HDAC4: variants seen among roughly 807,000 people sequenced by gnomAD.
HDAC4 encodes the protein histone deacetylase 4, also known as histone deacetylase A.
HDAC4 carries 16 observed loss-of-function variants against 135.1 expected under a neutral mutation model. The observed-to-expected ratio is 0.12, with a 90% CI of 0.08 to 0.18. The LOEUF is 0.18. Ranked by LOEUF, HDAC4 falls within the 10% of genes least tolerant of loss-of-function variation. The pLI is 1.00. For synonymous variants in HDAC4, 685 were observed against 653.4 expected, an observed-to-expected ratio of 1.05 and a Z score of -0.74; for missense variants, 1,143 against 1,511.8, an observed-to-expected ratio of 0.76 and a Z score of 4.05.
rs138685594 is a variant in HDAC4 at position 239,139,690 on chromosome 2, C to T, written c.972G>A (p.Pro324=). 83 of 1,613,770 alleles carry T rather than the reference C, an allele frequency of 5.1e-5. No individual in the cohort carries two copies. The highest frequency in any genetic ancestry group is 3.3e-4 in the Middle Eastern group (2 of 6,084). The change falls in exon 9 of 27, where the codon CCG becomes CCA. Residue 324 remains proline (P), a synonymous_variant. Transcript: ENST00000543185. The surrounding 1 kb of genome is among the most constrained non-coding windows in gnomAD (Gnocchi z 5.3). ...ACAAACGCTTCGCACTGACCTCCGC[C>T]GGGATGCTGGGGACGGCGGGCGCGA... ...NGIAPAVPSI[P]AETSLAHRLV...
intron 18 of HDAC4, among the ~76,000 whole-genome samples, chr2:239,089,199 G>GT (rs2152717498): frequency 6.6e-6 from 1 of 152,324 alleles, no homozygotes; most frequent in South Asian, 2.1e-4. Context: ...TTCCAATTAC[G>GT]TATCTGTGTG....
chr2:239,187,201 C>G (rs2044612373), intron 4 of HDAC4: 1 of 152,650 alleles, frequency 6.6e-6, no homozygotes, highest in South Asian at 2.1e-4. Flanking sequence ...GAGTGGTCCT[C>G]ATGTCCCCGA....
Position 239,067,664 on chromosome 2 carries a change from C to T in HDAC4, c.2870-809G>A, listed in dbSNP as rs758145006. On this transcript the variant is annotated intron_variant, in intron 23 of 26. Transcript: ENST00000543185. ...TCACTTTGCTGGCCACTAGGCTGCA[C>T]GGCCTGGTGGACTGTGGGAGGCCCC... Among the ~76,000 whole-genome samples the T allele has an allele frequency of 5.3e-5, 8 of 152,294 alleles. No individual in the cohort carries two copies. The East Asian group carries it at 5.8e-4, about 11-fold the overall frequency.
At chr2:239,373,165 C>G (rs893380065) in intron 1 of HDAC4, among the ~76,000 whole-genome samples, 1 of 152,158 alleles carries the variant, frequency 6.6e-6, no homozygotes, top group African/African-American at 2.4e-5. Context: ...GACATGTGAG[C>G]AGAACGACCT....
At chr2:239,260,947 G>A (rs1046369480) in intron 2 of HDAC4, among the ~76,000 whole-genome samples, 20 of 152,172 alleles carry the variant, frequency 1.3e-4, no homozygotes, top group African/African-American at 4.3e-4. Context: ...AAGATGACAA[G>A]GCCAGGGCAC....
chr2:239,130,573 CTG>C (rs1338308805), intron 11 of HDAC4, among the ~76,000 whole-genome samples: 1 of 139,118 alleles, frequency 7.2e-6, no homozygotes, highest in Non-Finnish European at 1.7e-5. Flanking sequence ...GTGGCATGCT[CTG>C]TTTCAGGATG....
intron 11 of HDAC4, among the ~76,000 whole-genome samples, chr2:239,127,433 C>T (rs1424004637): frequency 1.3e-5 from 2 of 152,052 alleles, no homozygotes; most frequent in Non-Finnish European, 2.9e-5. Context: ...TACATTTTTT[C>T]CTTCTGCATG....
At chr2:239,360,846 C>T (rs1693819224) in intron 1 of HDAC4, among the ~76,000 whole-genome samples, 1 of 152,194 alleles carries the variant, frequency 6.6e-6, no homozygotes, top group South Asian at 2.1e-4. Context: ...CATAGAAGTA[C>T]TGGGTTGGAG....
rs920588593 is a variant in HDAC4 at position 239,352,310 on chromosome 2, C to T, written c.22+368G>A. On this transcript the variant is annotated intron_variant, in intron 2 of 26. Transcript: ENST00000543185. The surrounding 1 kb of genome is among the most constrained non-coding windows in gnomAD (Gnocchi z 4.4). ...ACGCCCAGTTGGAGGAGCACTCCCA[C>T]CCCTCACACAACCCCTCATGAAACA... is the stretch of plus-strand genomic sequence containing the variant. Among the ~76,000 whole-genome samples the T allele has an allele frequency of 2.0e-5, 3 of 152,070 alleles. No individual in the cohort carries two copies. The highest frequency in any genetic ancestry group is 2.9e-5 in the Non-Finnish European group (2 of 68,014).
At chr2:239,131,546 AC>A (rs948689721) in intron 11 of HDAC4, among the ~76,000 whole-genome samples, 17 of 152,198 alleles carry the variant, frequency 1.1e-4, no homozygotes, top group African/African-American at 4.1e-4. Context: ...GGGCAGACGA[AC>A]CACACCTGAT....
chr2:239,202,605 T>TG, intron 3 of HDAC4, among the ~76,000 whole-genome samples: 1 of 152,018 alleles, frequency 6.6e-6, no homozygotes, highest in East Asian at 1.9e-4. Flanking sequence ...AGGGCTGGCA[T>TG]GGGTGTGGCT....
intron 16 of HDAC4, among the ~76,000 whole-genome samples, chr2:239,095,628 G>A (rs3828196): frequency 0.2 from 30,965 of 152,024 alleles, 3,284 homozygotes; most frequent in South Asian, 0.24. Flanking sequence ...CTCCAAGGAC[G>A]CTGCAGCTGC....
intron 2 of HDAC4, among the ~76,000 whole-genome samples, chr2:239,271,149 G>A (rs1263182568): frequency 2.6e-5 from 4 of 152,074 alleles, no homozygotes; most frequent in African/African-American, 9.7e-5. Context: ...GTCTTGCTCC[G>A]GTTGCCCAGG....
Position 239,303,219 on chromosome 2 carries a change from G to A in HDAC4, c.22+49459C>T, listed in dbSNP as rs1043973238. On this transcript the variant is annotated intron_variant, in intron 2 of 26. Coordinates refer to ENST00000543185, the MANE Select transcript of HDAC4 (RefSeq NM_001378414.1). This position sits in a 1 kb window ranked among gnomAD's most constrained non-coding sequence, Gnocchi z 5.1. Reference sequence around the variant, plus strand: ...ACCCGGCTGCTCAGGCCTGGGGACAGGAGGGCACAGGGACAGGCCTGGAGG... The same window carrying A: ...ACCCGGCTGCTCAGGCCTGGGGACAAGAGGGCACAGGGACAGGCCTGGAGG... Among the ~76,000 whole-genome samples, 1 of 152,252 alleles carries A rather than the reference G, an allele frequency of 6.6e-6. No homozygotes were observed. Among genetic ancestry groups the A allele is most frequent in the Admixed American group, 6.5e-5 (1 of 15,292 alleles).
In HDAC4 at chr2:239,277,533, C is replaced by T. The variant is rs558648218; in HGVS notation, c.23-40869G>A. Among the ~76,000 whole-genome samples, 7 of 152,206 alleles carry T rather than the reference C, an allele frequency of 4.6e-5. 1 individual carries two copies. Among genetic ancestry groups the T allele is most frequent in the Admixed American group, 1.3e-4 (2 of 15,282 alleles). On this transcript the variant is annotated intron_variant, in intron 2 of 26. Transcript: ENST00000543185. The stretch of plus-strand genomic sequence containing the variant: ...TGGTGGCCCATCGCTGATCATCACA[C>T]GTTCTGTACTCCGGAGCAGGAACCA...
intron 22 of HDAC4, among the ~76,000 whole-genome samples, chr2:239,071,098 T>C (rs956309948): frequency 6.6e-6 from 1 of 152,044 alleles, no homozygotes. Context: ...AGCAGAAGCA[T>C]TGTTGTGGAG....
chr2:239,317,191 T>C (rs2053146119), intron 2 of HDAC4, among the ~76,000 whole-genome samples: 1 of 152,134 alleles, frequency 6.6e-6, no homozygotes, highest in Non-Finnish European at 1.5e-5. Flanking sequence ...AAGTACATGA[T>C]GGATTCTGAG....
intron 2 of HDAC4, among the ~76,000 whole-genome samples, chr2:239,241,402 C>G (rs2048167317): frequency 6.6e-6 from 1 of 152,200 alleles, no homozygotes; most frequent in South Asian, 2.1e-4. Flanking sequence ...CACTGACCAT[C>G]TTCTTACATG....
At chr2:239,393,192 A>G (rs1696344714) in intron 1 of HDAC4, among the ~76,000 whole-genome samples, 1 of 152,094 alleles carries the variant, frequency 6.6e-6, no homozygotes, top group Non-Finnish European at 1.5e-5. Flanking sequence ...AAGTCCCCAC[A>G]ACAGCACCAC....
Sources: gnomAD v4.1 joint callset for allele counts (sites outside exome capture counted in the v4.1 genomes callset) on GRCh38, gnomAD v4.1.1 for gene constraint, Gnocchi (gnomAD v3.1) non-coding constraint, MANE v1.5 for transcripts, NCBI Gene and HGNC (gene_info 2026-07-23, HGNC 2026-07-21) for gene names.